Variants in RPL3L observed in about 807,000 individuals in gnomAD.
RPL3L encodes the protein ribosomal protein uL3-like.
Under a neutral mutation model 44.5 loss-of-function variants are expected in RPL3L, and 44 were observed. The observed-to-expected ratio is 0.99, with a 90% CI of 0.78 to 1.27. The LOEUF (loss-of-function observed/expected upper bound fraction) is 1.27, where lower values mean the gene tolerates loss of function less well. Ranked by LOEUF, RPL3L falls within the 50% of genes most tolerant of loss-of-function variation. The pLI is 0.00. For missense variants in RPL3L, 631 were observed against 569.1 expected, an observed-to-expected ratio of 1.11 and a Z score of -1.11; for synonymous variants, 292 against 230.7, an observed-to-expected ratio of 1.27 and a Z score of -2.41.
In RPL3L at chr16:1,944,766, C is replaced by G. The variant is rs376711712; in HGVS notation, c.*71G>C. 1.9e-6 allele frequency: 3 copies of G among 1,602,166 alleles called. No individual in the cohort carries two copies. Among genetic ancestry groups the G allele is most frequent in the Admixed American group, 3.3e-5 (2 of 59,924 alleles). ...CGCTCTGAGACCTCGCAGGAAGAGT[C>G]GCCTCCGGCCTTTGTTAGACATTGG... is the stretch of plus-strand genomic sequence containing the variant. On this transcript the variant is annotated 3_prime_UTR_variant, in exon 10 of 10. Transcript: ENST00000268661.
chr16:1,953,063 G>A (rs746780474), intron 2 of RPL3L, 21 bp from the exon 3 acceptor site: 15 of 1,570,408 alleles, frequency 9.6e-6, no homozygotes, highest in Middle Eastern at 1.7e-4. Flanking sequence ...CACAGGGATG[G>A]GGCATGAAGG....
intron 2 of RPL3L, among the ~76,000 whole-genome samples, chr16:1,953,617 G>A (rs2150866176): frequency 6.6e-6 from 1 of 152,348 alleles, no homozygotes; most frequent in Middle Eastern, 3.4e-3. Context: ...ACATGAAATA[G>A]ACCCGAAATG....
rs760982376 is a variant in RPL3L, at chr16:1,946,961, GGT to G, written c.824_825del (p.His275ProfsTer89). ...SIARAGQKGYHHRTELNKKIF... is the reference protein window; with the variant it reads ...SIARAGQKGYXHRTELNKKIF... ...ACCTTCTTGTTGAGCTCCGTGCGGT[GGT>G]GATAGCCCTTCTGCCCGGCCCGAGC... On this transcript the variant is annotated frameshift_variant, in exon 6 of 10. Coordinates refer to ENST00000268661, the MANE Select transcript of RPL3L (RefSeq NM_005061.3). LOFTEE classifies it high-confidence loss of function. The G allele has an allele frequency of 2.5e-6, 4 of 1,608,268 alleles. No homozygotes were observed. The highest frequency in any genetic ancestry group is 1.3e-5 in the African/African-American group (1 of 74,776).
Position 1,952,867 on chromosome 16 carries a change from T to A in RPL3L, c.365+7A>T. The A allele has an allele frequency of 6.2e-7, 1 of 1,613,536 alleles. No homozygotes were observed. Among genetic ancestry groups the A allele is most frequent in the Non-Finnish European group, 8.5e-7 (1 of 1,179,982 alleles). On this transcript the variant is annotated splice_region_variant and intron_variant, in intron 3 of 9. Transcript: ENST00000268661. ...CCTTGGACGGCCCAGCCAAGGGCGG[T>A]GCTCACCAGTCCTTGTAGAATCGGC...
At chr16:1,953,419 G>A (rs557276251) in intron 2 of RPL3L, among the ~76,000 whole-genome samples, 4 of 152,130 alleles carry the variant, frequency 2.6e-5, no homozygotes, top group South Asian at 2.1e-4. Context: ...AGGGTTTCAC[G>A]ATGCCGTCCA....
At chr16:1,945,436 C>G (rs1161103977) in intron 9 of RPL3L, 63 bp downstream of exon 9, 6 of 1,562,150 alleles carry the variant, frequency 3.8e-6, no homozygotes, top group Middle Eastern at 2.0e-4. Flanking sequence ...GCTCCCTACT[C>G]GGGCAGGCTG....
intron 1 of RPL3L, 134 bp from the exon 2 acceptor site, chr16:1,954,282 G>C (rs2083192186): frequency 1.0e-6 from 1 of 997,326 alleles, no homozygotes; most frequent in Non-Finnish European, 1.4e-6. Context: ...TCCCCTGTCT[G>C]CCTACAGGAG....
Position 1,954,107 on chromosome 16 carries a change from G to A in RPL3L, c.45C>T (p.Gly15=), listed in dbSNP as rs1217073290. The A allele has an allele frequency of 1.9e-6, 3 of 1,601,050 alleles. No individual in the cohort carries two copies. Among genetic ancestry groups the A allele is most frequent in the Non-Finnish European group, 2.6e-6 (3 of 1,174,854 alleles). ...GGTGGCTCCTCTTATGGGGCAGGAA[G>A]CCCAGGTGTCCGTGCCGAGGGGCGG... ...KFSAPRHGHL[G]FLPHKRSHRH... The change falls in exon 2 of 10, where the codon GGC becomes GGT. Residue 15 remains glycine (G), a synonymous_variant. Transcript: ENST00000268661.
At chr16:1,952,074 A>G (rs1367819791) in intron 3 of RPL3L, among the ~76,000 whole-genome samples, 1 of 151,678 alleles carries the variant, frequency 6.6e-6, no homozygotes, top group East Asian at 1.9e-4. Flanking sequence ...TCAGCCTCCC[A>G]AGTAGCTGGG....
intron 4 of RPL3L, among the ~76,000 whole-genome samples, chr16:1,949,946 G>C (rs1275810422): frequency 8.1e-6 from 1 of 123,526 alleles, no homozygotes; most frequent in African/African-American, 3.2e-5. Flanking sequence ...GGTATGTAAG[G>C]GGCAGGTATG....
rs371872395 is a variant in RPL3L at position 1,954,613 on chromosome 16, C to T, written c.3+16G>A. The T allele has an allele frequency of 1.3e-6, 2 of 1,548,994 alleles. No individual in the cohort carries two copies. Among genetic ancestry groups the T allele is most frequent in the Non-Finnish European group, 1.7e-6 (2 of 1,149,708 alleles). Reference sequence around the variant, plus strand: ...CAGCTCCAACCCCAGCCCACCCTCACCCTGGTCCCACCAACCATGGTGGCC... The same window carrying T: ...CAGCTCCAACCCCAGCCCACCCTCATCCTGGTCCCACCAACCATGGTGGCC... On this transcript the variant is annotated intron_variant, in intron 1 of 9. Transcript: ENST00000268661.
chr16:1,945,631 T>C lies in RPL3L; in HGVS notation c.1048-13A>G. Reference sequence around the variant, plus strand: ...GCACCAGGAGGGACTGGGGAATCCATGGTAAAGTAAACATCAAGTGTGGGG... The same window carrying C: ...GCACCAGGAGGGACTGGGGAATCCACGGTAAAGTAAACATCAAGTGTGGGG... On this transcript the variant is annotated splice_polypyrimidine_tract_variant and intron_variant, in intron 8 of 9. Coordinates refer to ENST00000268661, the MANE Select transcript of RPL3L (RefSeq NM_005061.3). The C allele has an allele frequency of 6.2e-7, 1 of 1,613,664 alleles. No homozygotes were observed. Among genetic ancestry groups the C allele is most frequent in the East Asian group, 2.2e-5 (1 of 44,852 alleles).
Position 1,950,984 on chromosome 16 carries a change from G to C in RPL3L, c.366-5C>G, listed in dbSNP as rs560164168. 1 of 1,613,442 alleles carries C rather than the reference G, an allele frequency of 6.2e-7. No homozygotes were observed. The highest frequency in any genetic ancestry group is 1.1e-5 in the South Asian group (1 of 91,080). On this transcript the variant is annotated splice_region_variant and splice_polypyrimidine_tract_variant and intron_variant, in intron 3 of 9. Transcript: ENST00000268661. ...GCTTTCTTCTTGCTCTTGTGCCTGA[G>C]CCATGCACAGGAGGGTGCTCAGAAG...
At chr16:1,947,455 G>A in intron 4 of RPL3L, 75 bp from the exon 5 acceptor site, 6 of 1,436,966 alleles carry the variant, frequency 4.2e-6, no homozygotes, top group Non-Finnish European at 5.5e-6. Flanking sequence ...ATGGCCAGCA[G>A]TGACCCCTGC....
rs774727364 is a variant in RPL3L at position 1,950,876 on chromosome 16, A to G, written c.469T>C (p.Cys157Arg). 2.9e-5 allele frequency: 47 copies of G among 1,613,934 alleles called. No individual in the cohort carries two copies. Among genetic ancestry groups the G allele is most frequent in the African/African-American group, 8.0e-5 (6 of 74,872 alleles). ...QKDFAAMKKY[C>R]KVIRVIVHTQ... ...TGGACAATGACCCGAATGACCTTGC[A>G]GTACTTCTTCATGGCGGCGAAGTCC... The change falls in exon 4 of 10, where the codon TGC becomes CGC. Residue 157 changes from cysteine (C) to arginine (R), a missense_variant. By Grantham distance (180) the Cys-to-Arg change is radical. Coordinates refer to ENST00000268661, the MANE Select transcript of RPL3L (RefSeq NM_005061.3).
rs1400907907 is a variant in RPL3L at position 1,944,030 on chromosome 16, A to G, written c.*807T>C. ...CTCGATGTTGGCCAGGCTGGTCTTG[A>G]ACTCCCGACCTCAGGTGATCCGCCC... On this transcript the variant is annotated 3_prime_UTR_variant, in exon 10 of 10. Transcript: ENST00000268661. The G allele has an allele frequency of 6.6e-6, 1 of 152,074 alleles. No individual in the cohort carries two copies. Among genetic ancestry groups the G allele is most frequent in the Non-Finnish European group, 1.5e-5 (1 of 68,030 alleles). 9.4% of individuals were successfully genotyped at this position (152,074 alleles called of 1,614,324 possible). A position where few individuals can be genotyped will look rare whatever the true frequency, so the allele number is the denominator to read the frequency against.
chr16:1,947,389 C>T lies in RPL3L; in HGVS notation c.502-9G>A. 1 of 1,566,364 alleles carries T rather than the reference C, an allele frequency of 6.4e-7. No individual in the cohort carries two copies. Among genetic ancestry groups the T allele is most frequent in the African/African-American group, 1.3e-5 (1 of 74,112 alleles). ...AAGGGCAGCAGTTTCATCTGCAGGA[C>T]ATGGCCGGAGGTCACGCCACGGCCC... is the stretch of plus-strand genomic sequence containing the variant. On this transcript the variant is annotated splice_polypyrimidine_tract_variant and intron_variant, in intron 4 of 9. Transcript: ENST00000268661.
chr16:1,953,887 G>A, intron 2 of RPL3L, 69 bp downstream of exon 2: 1 of 1,383,292 alleles, frequency 7.2e-7, no homozygotes, highest in Non-Finnish European at 9.5e-7. Flanking sequence ...CCAAAAGCGT[G>A]AGTTCTGGCT....
intron 2 of RPL3L, 28 bp downstream of exon 2, chr16:1,953,927 CT>C: frequency 6.8e-7 from 1 of 1,473,540 alleles, no homozygotes; most frequent in Non-Finnish European, 9.0e-7. Context: ...AGCCCTCCCC[CT>C]CCCCCAAGGG....
Sources: allele counts gnomAD v4.1 joint callset (sites outside exome capture counted in the v4.1 genomes callset), GRCh38; gene constraint gnomAD v4.1.1; transcripts MANE v1.5; gene names NCBI Gene and HGNC (gene_info 2026-07-23, HGNC 2026-07-21).